VPS13B: variants seen among roughly 807,000 people sequenced by gnomAD.
The protein encoded by VPS13B is intermembrane lipid transfer protein VPS13B.
In VPS13B, 285 loss-of-function variants were observed where a neutral mutation model predicts 426.4. The observed-to-expected ratio is 0.67, with a 90% CI of 0.61 to 0.74. VPS13B has a LOEUF of 0.74. VPS13B is among the 30% of genes least tolerant of loss of function. The pLI is 0.00. For missense variants in VPS13B, 4,537 were observed against 4,782.6 expected, an observed-to-expected ratio of 0.95 and a Z score of 1.51; for synonymous variants, 1,676 against 1,676.4, an observed-to-expected ratio of 1.00 and a Z score of 0.01.
In VPS13B at chr8:99,577,092, G is replaced by A. The variant is rs541446315; in HGVS notation, c.5077-398G>A. ...GTGATATTCATAGGACTCTACTATCGTACCTAGTACTTAGGAAATGCTCAG... is the reference window on the plus strand; with the variant it reads ...GTGATATTCATAGGACTCTACTATCATACCTAGTACTTAGGAAATGCTCAG... On this transcript the variant is annotated intron_variant, in intron 32 of 61. Coordinates refer to ENST00000357162, the MANE Select transcript of VPS13B (RefSeq NM_152564.5). 1.2e-4 allele frequency among the ~76,000 whole-genome samples: 18 copies of A among 150,056 alleles called. No homozygotes were observed. The South Asian group carries it at 2.5e-3, about 21-fold the overall frequency.
intron 30 of VPS13B, among the ~76,000 whole-genome samples, chr8:99,545,506 T>G (rs1472108958): frequency 6.6e-6 from 1 of 152,118 alleles, no homozygotes; most frequent in Non-Finnish European, 1.5e-5. Flanking sequence ...TTAATTAATT[T>G]TAAAGAGACA....
chr8:99,810,130 G>C (rs1229814265), intron 44 of VPS13B, among the ~76,000 whole-genome samples: 1 of 152,128 alleles, frequency 6.6e-6, no homozygotes, highest in Non-Finnish European at 1.5e-5. Context: ...TGTTTTTGAA[G>C]TTCTAAGACT....
intron 5 of VPS13B, among the ~76,000 whole-genome samples, chr8:99,109,081 T>G (rs1847206586): frequency 6.6e-6 from 1 of 152,148 alleles, no homozygotes; most frequent in African/African-American, 2.4e-5. Context: ...TATTCTTATA[T>G]GTTGTATTTT....
chr8:99,828,432 T>TGC (rs1814853421), intron 51 of VPS13B, among the ~76,000 whole-genome samples: 1 of 111,426 alleles, frequency 9.0e-6, no homozygotes, highest in African/African-American at 3.4e-5. Flanking sequence ...TTTTTTTTTT[T>TGC]TTGCTTTCCA....
At chr8:99,478,101 A>G (rs1456778683) in intron 24 of VPS13B, among the ~76,000 whole-genome samples, 2 of 151,786 alleles carry the variant, frequency 1.3e-5, no homozygotes, top group Non-Finnish European at 2.9e-5. Flanking sequence ...AAAAAAAAGA[A>G]AAAAGAAGCC....
rs1402302415 is a variant in VPS13B, at chr8:99,521,005, T to C, written c.4740T>C (p.Ile1580=). 1 of 1,613,036 alleles carries C rather than the reference T, an allele frequency of 6.2e-7. No homozygotes were observed. Among genetic ancestry groups the C allele is most frequent in the Admixed American group, 1.7e-5 (1 of 60,008 alleles). Residue 1580 remains isoleucine, a synonymous_variant, in exon 30 of 62, where the codon ATT becomes ATC. Coordinates refer to ENST00000357162, the MANE Select transcript of VPS13B (RefSeq NM_152564.5). ...GCAGATCTGTCCTTAGGAAAGATATTTACCAGTAAGTTTATTTTCTTATGT... is the reference window on the plus strand; with the variant it reads ...GCAGATCTGTCCTTAGGAAAGATATCTACCAGTAAGTTTATTTTCTTATGT... The part of the protein sequence containing the change: ...PLGRSVLRKD[I]YQRALNLGIL...
chr8:99,167,708 A>G (rs957425251), intron 15 of VPS13B, among the ~76,000 whole-genome samples: 1 of 152,026 alleles, frequency 6.6e-6, no homozygotes, highest in Admixed American at 6.5e-5. Flanking sequence ...CATTTTTGTT[A>G]TTTACTAATT....
intron 30 of VPS13B, among the ~76,000 whole-genome samples, chr8:99,537,492 A>G (rs571890376): frequency 4.6e-5 from 7 of 152,212 alleles, no homozygotes; most frequent in Non-Finnish European, 1.0e-4. Flanking sequence ...TTTAACCCTC[A>G]AAGAAGAAAT....
chr8:99,045,431 C>T (rs1215042486), intron 3 of VPS13B, among the ~76,000 whole-genome samples: 3 of 151,454 alleles, frequency 2.0e-5, no homozygotes, highest in Non-Finnish European at 2.9e-5. Context: ...TGCTTGTGTT[C>T]GTTGTAGATT....
At chr8:99,192,001 C>G (rs1444300054) in intron 16 of VPS13B, among the ~76,000 whole-genome samples, 1 of 151,992 alleles carries the variant, frequency 6.6e-6, no homozygotes, top group Non-Finnish European at 1.5e-5. Flanking sequence ...AAGGAAAGAG[C>G]AGGTTACATA....
At chr8:99,148,999 C>CTCATTAG (rs1476316437) in intron 14 of VPS13B, among the ~76,000 whole-genome samples, 2 of 152,204 alleles carry the variant, frequency 1.3e-5, no homozygotes, top group African/African-American at 4.8e-5. Context: ...TTTAGCAGCT[C>CTCATTAG]CTCACAAGAC....
At chr8:99,518,253 C>A (rs528649183) in intron 29 of VPS13B, among the ~76,000 whole-genome samples, 1 of 152,246 alleles carries the variant, frequency 6.6e-6, no homozygotes, top group African/African-American at 2.4e-5. Context: ...CTAATTGCAC[C>A]TTTGTGGTAC....
At chr8:99,187,201 T>C (rs1293070588) in intron 16 of VPS13B, among the ~76,000 whole-genome samples, 1 of 152,154 alleles carries the variant, frequency 6.6e-6, no homozygotes, top group Non-Finnish European at 1.5e-5. Flanking sequence ...TAATAAAATG[T>C]TGTGGGTTTT....
intron 57 of VPS13B, among the ~76,000 whole-genome samples, chr8:99,860,325 A>G (rs1292260499): frequency 6.6e-6 from 1 of 152,046 alleles, no homozygotes; most frequent in East Asian, 1.9e-4. Flanking sequence ...AACAAATTCC[A>G]CGGACAATGA....
chr8:99,353,895 G>T (rs1393360004), intron 19 of VPS13B, among the ~76,000 whole-genome samples: 1 of 152,046 alleles, frequency 6.6e-6, no homozygotes, highest in African/African-American at 2.4e-5. Context: ...TATTGTCTAT[G>T]ATTTTATGTA....
chr8:99,875,567 T>G lies in VPS13B; in HGVS notation c.11895T>G (p.Val3965=). 1.2e-6 allele frequency: 2 copies of G among 1,614,192 alleles called. No homozygotes were observed. The highest frequency in any genetic ancestry group is 2.7e-5 in the African/African-American group (2 of 75,040). ...VVAAEPPPST[V]KTYHYLVDPH... is the part of the protein sequence containing the mutation. Reference sequence around the variant, plus strand: ...CTGCAGAACCTCCCCCCTCCACTGTTAAAACATACCATTACCTGGTTGATC... The same window carrying G: ...CTGCAGAACCTCCCCCCTCCACTGTGAAAACATACCATTACCTGGTTGATC... Residue 3965 remains valine (V), a synonymous_variant, in exon 62 of 62, where the codon GTT becomes GTG. Transcript: ENST00000357162.
chr8:99,465,686 G>C (rs1339220123), intron 23 of VPS13B, among the ~76,000 whole-genome samples: 2 of 151,920 alleles, frequency 1.3e-5, no homozygotes, highest in African/African-American at 4.8e-5. Flanking sequence ...ATTTGGCAGA[G>C]CCTTTATTTT....
intron 3 of VPS13B, among the ~76,000 whole-genome samples, chr8:99,062,652 G>C (rs185610499): frequency 1.2e-4 from 18 of 152,140 alleles, no homozygotes; most frequent in South Asian, 6.2e-4. Context: ...ATTTTTAGTA[G>C]AGATGGGGTG....
At chr8:99,094,997 A>G (rs1221221443) in intron 3 of VPS13B, among the ~76,000 whole-genome samples, 1 of 152,192 alleles carries the variant, frequency 6.6e-6, no homozygotes, top group Non-Finnish European at 1.5e-5. Context: ...GTTAGTTGCC[A>G]GCTGATCTTC....
Sources: allele counts gnomAD v4.1 joint callset (sites outside exome capture counted in the v4.1 genomes callset), GRCh38; gene constraint gnomAD v4.1.1; transcripts MANE v1.5; gene names NCBI Gene and HGNC (gene_info 2026-07-23, HGNC 2026-07-21).